The following SRSF8 variants were observed in gnomAD, a reference collection of about 807,000 sequenced individuals.
The protein encoded by SRSF8 is serine/arginine-rich splicing factor 8.
SRSF8 carries 3 observed loss-of-function variants against 2.0 expected under a neutral mutation model. That is an observed-to-expected ratio of 1.47 (90% confidence interval 0.67 to 3.79). The LOEUF (loss-of-function observed/expected upper bound fraction) is 3.79. SRSF8 is among the 30% of genes most tolerant of loss of function. The pLI, the probability that SRSF8 is intolerant of heterozygous loss-of-function variation, is 0.02. For synonymous variants in SRSF8, 162 were observed against 170.7 expected (o/e 0.95, Z 0.40); for missense variants, 408 against 410.9 (o/e 0.99, Z 0.06).
Position 95,067,313 on chromosome 11 carries a change from C to T in SRSF8, c.87C>T (p.Ser29=), listed in dbSNP as rs1555106951. The part of the protein sequence containing the change: ...DNLTYRTSPD[S]LRRVFEKYGR... ...TGACCTACCGCACCTCTCCCGACAG[C>T]TTGAGGCGCGTGTTCGAGAAGTACG... is the stretch of plus-strand genomic sequence containing the variant. Residue 29 remains serine, a synonymous_variant, in exon 1 of 1, where the codon AGC becomes AGT. Transcript: ENST00000587424. 2 of 1,599,578 alleles carry T rather than the reference C, an allele frequency of 1.3e-6. No individual in the cohort carries two copies. The highest frequency in any genetic ancestry group is 2.3e-5 in the East Asian group (1 of 43,476).
chr11:95,067,587 T>A lies in SRSF8; in HGVS notation c.361T>A (p.Tyr121Asn). Residue 121 changes from tyrosine to asparagine, a missense_variant, in exon 1 of 1, where the codon TAC (tyrosine) becomes AAC (asparagine). By Grantham distance (143) the Tyr-to-Asn change is moderately radical. This residue lies in a region of SRSF8 where 346 missense variants were observed against 316.5 expected (regional missense o/e 1.09). Coordinates refer to ENST00000587424, the MANE Select transcript of SRSF8 (RefSeq NM_032102.4). ...CGGCTACGGACGGCGGAGCCGCAGC[T>A]ACGGGCGGCGGAGCCGCAGCCCCAG... ...GGGYGRRSRS[Y>N]GRRSRSPRRR... The A allele has an allele frequency of 6.7e-7, 1 of 1,485,246 alleles. No individual in the cohort carries two copies. Among genetic ancestry groups the A allele is most frequent in the Non-Finnish European group, 9.1e-7 (1 of 1,097,118 alleles). 92.0% of individuals were successfully genotyped at this position (1,485,246 alleles called of 1,614,324 possible).
Position 95,067,822 on chromosome 11 carries a change from G to T in SRSF8, c.596G>T (p.Arg199Leu), listed in dbSNP as rs1555107198. Residue 199 changes from arginine (R) to leucine (L), a missense_variant, in exon 1 of 1, where the codon CGC becomes CTC. Physicochemically the swap from Arg to Leu is moderately radical, Grantham distance 102. Transcript: ENST00000587424. ...AGCTCATCTGGTTACAGTAACTCTC[G>T]CTACAGCCGATATCACAGCAGCCGG... ...HYSSSGYSNS[R>L]YSRYHSSRSH... The T allele has an allele frequency of 3.1e-6, 5 of 1,613,940 alleles. No homozygotes were observed. The highest frequency in any genetic ancestry group is 4.2e-6 in the Non-Finnish European group (5 of 1,179,882).
chr11:95,070,319 G>A lies in SRSF8; in HGVS notation c.*2244G>A, dbSNP rs1858717193. 1 of 124,044 alleles carries A rather than the reference G, an allele frequency of 8.1e-6. No individual in the cohort carries two copies. The highest frequency in any genetic ancestry group is 1.6e-5 in the Non-Finnish European group (1 of 63,666). The allele number at this position is 124,044 out of a possible 1,614,324, so 7.7% of individuals were successfully genotyped here. ...GGAGACAGAGGTTGTGGTGAGCCGAGATCACGCCATTGCACTCCAGCCGGG... is the reference window on the plus strand; with the variant it reads ...GGAGACAGAGGTTGTGGTGAGCCGAAATCACGCCATTGCACTCCAGCCGGG... On this transcript the variant is annotated 3_prime_UTR_variant, in exon 1 of 1. Transcript: ENST00000587424.
In SRSF8 at chr11:95,067,509, C is replaced by G. The variant is rs1555107064; in HGVS notation, c.283C>G (p.Arg95Gly). The change falls in exon 1 of 1, where the codon CGG becomes GGG. Residue 95 changes from arginine (R) to glycine (G), a missense_variant. By Grantham distance (125) the Arg-to-Gly change is moderately radical. Transcript: ENST00000587424. ...LRVQVARYGR[R>G]DLPRSRQGEP... is the part of the protein sequence containing the mutation. ...GGTGCAGGTGGCGCGCTATGGCCGC[C>G]GGGACCTGCCCCGCAGCCGCCAGGG... 1.9e-6 allele frequency: 2 copies of G among 1,067,254 alleles called. No homozygotes were observed. Among genetic ancestry groups the G allele is most frequent in the Non-Finnish European group, 2.5e-6 (2 of 790,564 alleles). The allele number at this position is 1,067,254 out of a possible 1,614,324, so 66.1% of individuals were successfully genotyped here.
Position 95,068,137 on chromosome 11 carries a change from G to C in SRSF8, c.*62G>C. 1 of 1,452,912 alleles carries C rather than the reference G, an allele frequency of 6.9e-7. No homozygotes were observed. The highest frequency in any genetic ancestry group is 9.3e-7 in the Non-Finnish European group (1 of 1,072,198). The allele number at this position is 1,452,912 out of a possible 1,614,324, so 90.0% of individuals were successfully genotyped here. A position where few individuals can be genotyped will look rare whatever the true frequency, so the allele number is the denominator to read the frequency against. On this transcript the variant is annotated 3_prime_UTR_variant, in exon 1 of 1. Transcript: ENST00000587424. ...TTGGGGGAAAAGGATCACATACTCAGTCTATGGAAGCAACGTCCCTGGAAG... is the reference window on the plus strand; with the variant it reads ...TTGGGGGAAAAGGATCACATACTCACTCTATGGAAGCAACGTCCCTGGAAG...
Position 95,067,921 on chromosome 11 carries a change from C to T in SRSF8, c.695C>T (p.Ser232Phe). 6.2e-7 allele frequency: 1 copy of T among 1,614,076 alleles called. No individual in the cohort carries two copies. Among genetic ancestry groups the T allele is most frequent in the South Asian group, 1.1e-5 (1 of 91,090 alleles). Residue 232 changes from serine to phenylalanine, a missense_variant, in exon 1 of 1, where the codon TCC becomes TTC. Physicochemically the swap from Ser to Phe is radical, Grantham distance 155. Around this residue, in one of 2 missense-constraint regions of SRSF8, gnomAD observed 346 missense variants for 316.5 expected, o/e 1.09. Transcript: ENST00000587424. Reference sequence around the variant, plus strand: ...TCCAAATCGAGCTCTGCGCGACGATCCAAGTCCTCCTCGGTCTCCAGGTCT... The same window carrying T: ...TCCAAATCGAGCTCTGCGCGACGATTCAAGTCCTCCTCGGTCTCCAGGTCT... ...STSKSSSARR[S>F]KSSSVSRSRS...
At position 95,067,552 on chromosome 11, in the gene SRSF8, C is replaced by G; in HGVS notation, c.326C>G (p.Ser109Cys). 3 of 1,540,432 alleles carry G rather than the reference C, an allele frequency of 1.9e-6. No individual in the cohort carries two copies. Among genetic ancestry groups the G allele is most frequent in the Non-Finnish European group, 2.6e-6 (3 of 1,143,528 alleles). The stretch of plus-strand genomic sequence containing the variant: ...CGCCAGGGAGAGCCACGCGGCAGGT[C>G]CAGAGGCGGCGGCTACGGACGGCGG... ...RSRQGEPRGR[S>C]RGGGYGRRSR... Residue 109 changes from serine (S) to cysteine (C), a missense_variant, in exon 1 of 1, where the codon TCC (serine) becomes TGC (cysteine). Ser to Cys is a moderately radical substitution (Grantham distance 112). This residue lies in a region of SRSF8 where 346 missense variants were observed against 316.5 expected (regional missense o/e 1.09). Coordinates refer to ENST00000587424, the MANE Select transcript of SRSF8 (RefSeq NM_032102.4).
rs143414617 is a variant in SRSF8 at position 95,069,354 on chromosome 11, A to G, written c.*1279A>G. On this transcript the variant is annotated 3_prime_UTR_variant, in exon 1 of 1. Coordinates refer to ENST00000587424, the MANE Select transcript of SRSF8 (RefSeq NM_032102.4). ...TTCAAATAATCCATTTTTGGCTTTC[A>G]TCATTATCCCTACTAGATGTTATGT... is the stretch of plus-strand genomic sequence containing the variant. 1 of 166,346 alleles carries G rather than the reference A, an allele frequency of 6.0e-6. No homozygotes were observed. The highest frequency in any genetic ancestry group is 1.5e-5 in the Non-Finnish European group (1 of 68,076). 10.3% of individuals were successfully genotyped at this position (166,346 alleles called of 1,614,324 possible). A position where few individuals can be genotyped will look rare whatever the true frequency, so the allele number is the denominator to read the frequency against.
At position 95,067,251 on chromosome 11, in the gene SRSF8, G is replaced by T; in HGVS notation, c.25G>T (p.Asp9Tyr). 6.5e-7 allele frequency: 1 copy of T among 1,549,350 alleles called. No homozygotes were observed. The highest frequency in any genetic ancestry group is 8.7e-7 in the Non-Finnish European group (1 of 1,145,230). Residue 9 changes from aspartate to tyrosine, a missense_variant, in exon 1 of 1, where the codon GAC (aspartate) becomes TAC (tyrosine). Transcript: ENST00000587424. ...CATGAGCTGCGGCCGCCCCCCTCCCGACGTGGACGGCATGATCACCCTCAA... is the reference window on the plus strand; with the variant it reads ...CATGAGCTGCGGCCGCCCCCCTCCCTACGTGGACGGCATGATCACCCTCAA... MSCGRPPPDVDGMITLKVD... is the reference protein window; with the variant it reads MSCGRPPPYVDGMITLKVD...
At position 95,067,608 on chromosome 11, in the gene SRSF8, C is replaced by T; in HGVS notation, c.382C>T (p.Pro128Ser). Residue 128 changes from proline to serine, a missense_variant, in exon 1 of 1, where the codon CCC becomes TCC. By Grantham distance (74) the Pro-to-Ser change is moderately conservative. Transcript: ENST00000587424. ...SRSYGRRSRSPRRRHRSRSRG... is the reference protein window; with the variant it reads ...SRSYGRRSRSSRRRHRSRSRG... ...CAGCTACGGGCGGCGGAGCCGCAGC[C>T]CCAGGCGGCGACACCGCAGCCGATC... The T allele has an allele frequency of 7.0e-6, 11 of 1,560,878 alleles. No homozygotes were observed. The highest frequency in any genetic ancestry group is 9.5e-6 in the Non-Finnish European group (11 of 1,153,734).
rs965650824 is a variant in SRSF8 at position 95,069,790 on chromosome 11, G to C, written c.*1715G>C. The C allele has an allele frequency of 6.0e-6, 1 of 167,026 alleles. No homozygotes were observed. The highest frequency in any genetic ancestry group is 2.4e-5 in the African/African-American group (1 of 41,432). 10.3% of individuals were successfully genotyped at this position (167,026 alleles called of 1,614,324 possible). A position where few individuals can be genotyped will look rare whatever the true frequency, so the allele number is the denominator to read the frequency against. ...TACGTAGAATCCAAAGACACACACA[G>C]AGCAGTCCTGTCTGAGAAATAAAAA... On this transcript the variant is annotated 3_prime_UTR_variant, in exon 1 of 1. Transcript: ENST00000587424.
Position 95,067,436 on chromosome 11 carries a change from C to G in SRSF8, c.210C>G (p.Asp70Glu). 1 of 1,547,318 alleles carries G rather than the reference C, an allele frequency of 6.5e-7. No homozygotes were observed. Among genetic ancestry groups the G allele is most frequent in the Non-Finnish European group, 8.7e-7 (1 of 1,148,242 alleles). The change falls in exon 1 of 1, where the codon GAC becomes GAG. Residue 70 changes from aspartate (D) to glutamate (E), a missense_variant. Asp to Glu is a conservative substitution (Grantham distance 45). Around this residue, in one of 2 missense-constraint regions of SRSF8, gnomAD observed 346 missense variants for 316.5 expected, o/e 1.09. Transcript: ENST00000587424. ...TTCACGACCGGCGCGACGCCCAAGA[C>G]GCCGAGGCCGCCATGGACGGGGCGG... ...VRFHDRRDAQ[D>E]AEAAMDGAEL...
rs1555107217 is a variant in SRSF8, at chr11:95,067,876, G to C, written c.650G>C (p.Ser217Thr). The change falls in exon 1 of 1, where the codon AGC becomes ACC. Residue 217 changes from serine to threonine, a missense_variant. This residue lies in a region of SRSF8 where 346 missense variants were observed against 316.5 expected (regional missense o/e 1.09). Coordinates refer to ENST00000587424, the MANE Select transcript of SRSF8 (RefSeq NM_032102.4). ...CACTCGAAGTCTGGGTCCTCCACTA[G>C]CTCTCGCTCTGCATCAACCTCCAAA... ...RSHSKSGSST[S>T]SRSASTSKSS... The C allele has an allele frequency of 6.2e-6, 10 of 1,613,902 alleles. No individual in the cohort carries two copies. In the Admixed American group the frequency reaches 8.3e-5, roughly 13 times the overall value.
rs199613898 is a variant in SRSF8 at position 95,070,396 on chromosome 11, A to AAAAC, written c.*2332_*2335dup. On this transcript the variant is annotated 3_prime_UTR_variant, in exon 1 of 1. Transcript: ENST00000587424. ...AAAAAAAAAAAAAAGAAAAAGGAAA[A>AAAAC]AAACAAACAAACAACAACTTTGAAA... 6.1e-6 allele frequency: 1 copy of AAAAC among 165,082 alleles called. No homozygotes were observed. Among genetic ancestry groups the AAAAC allele is most frequent in the South Asian group, 2.1e-4 (1 of 4,716 alleles). The allele number at this position is 165,082 out of a possible 1,614,324, so 10.2% of individuals were successfully genotyped here.
chr11:95,068,439 G>C lies in SRSF8; in HGVS notation c.*364G>C, dbSNP rs1452127861. 1 of 241,044 alleles carries C rather than the reference G, an allele frequency of 4.1e-6. No individual in the cohort carries two copies. Among genetic ancestry groups the C allele is most frequent in the Non-Finnish European group, 8.8e-6 (1 of 113,028 alleles). 14.9% of individuals were successfully genotyped at this position (241,044 alleles called of 1,614,324 possible). On this transcript the variant is annotated 3_prime_UTR_variant, in exon 1 of 1. Coordinates refer to ENST00000587424, the MANE Select transcript of SRSF8 (RefSeq NM_032102.4). ...CCTGACTTTTAAGGAAACGTGTGCA[G>C]CCATTACACACAGCCTAACGCTGTC...
At position 95,067,569 on chromosome 11, in the gene SRSF8, G is replaced by C. The variant is rs1191123669; in HGVS notation, c.343G>C (p.Gly115Arg). The change falls in exon 1 of 1, where the codon GGA becomes CGA. Residue 115 changes from glycine to arginine, a missense_variant. Gly to Arg is a moderately radical substitution (Grantham distance 125). Coordinates refer to ENST00000587424, the MANE Select transcript of SRSF8 (RefSeq NM_032102.4). ...CGGCAGGTCCAGAGGCGGCGGCTAC[G>C]GACGGCGGAGCCGCAGCTACGGGCG... ...PRGRSRGGGYGRRSRSYGRRS... is the reference protein window; with the variant it reads ...PRGRSRGGGYRRRSRSYGRRS... 5.8e-6 allele frequency: 9 copies of C among 1,542,054 alleles called. No homozygotes were observed. Among genetic ancestry groups the C allele is most frequent in the Non-Finnish European group, 6.1e-6 (7 of 1,144,802 alleles).
In SRSF8 at chr11:95,067,521, C is replaced by T. The variant is rs1590996481; in HGVS notation, c.295C>T (p.Arg99Cys). Reference protein sequence around the residue: ...VARYGRRDLPRSRQGEPRGRS... With the variant: ...VARYGRRDLPCSRQGEPRGRS... ...GCGCTATGGCCGCCGGGACCTGCCC[C>T]GCAGCCGCCAGGGAGAGCCACGCGG... The change falls in exon 1 of 1, where the codon CGC becomes TGC. Residue 99 changes from arginine (R) to cysteine (C), a missense_variant. Physicochemically the swap from Arg to Cys is radical, Grantham distance 180. Transcript: ENST00000587424. 3.3e-6 allele frequency: 5 copies of T among 1,511,922 alleles called. No individual in the cohort carries two copies. The South Asian group carries it at 5.1e-5, about 15-fold the overall frequency. The allele number at this position is 1,511,922 out of a possible 1,614,324, so 93.7% of individuals were successfully genotyped here.
rs781939780 is a variant in SRSF8, at chr11:95,067,913, G to C, written c.687G>C (p.Ala229=). The C allele has an allele frequency of 1.4e-5, 23 of 1,613,840 alleles. No individual in the cohort carries two copies. Among genetic ancestry groups the C allele is most frequent in the Non-Finnish European group, 1.9e-5 (23 of 1,179,908 alleles). Residue 229 remains alanine, a synonymous_variant, in exon 1 of 1, where the codon GCG becomes GCC. Coordinates refer to ENST00000587424, the MANE Select transcript of SRSF8 (RefSeq NM_032102.4). ...RSASTSKSSS[A]RRSKSSSVSR... ...CATCAACCTCCAAATCGAGCTCTGCGCGACGATCCAAGTCCTCCTCGGTCT... is the reference window on the plus strand; with the variant it reads ...CATCAACCTCCAAATCGAGCTCTGCCCGACGATCCAAGTCCTCCTCGGTCT...
chr11:95,067,485 G>T lies in SRSF8; in HGVS notation c.259G>T (p.Val87Leu). 1 of 1,515,440 alleles carries T rather than the reference G, an allele frequency of 6.6e-7. No individual in the cohort carries two copies. Among genetic ancestry groups the T allele is most frequent in the Non-Finnish European group, 8.8e-7 (1 of 1,134,104 alleles). The allele number at this position is 1,515,440 out of a possible 1,614,324, so 93.9% of individuals were successfully genotyped here. The change falls in exon 1 of 1, where the codon GTG becomes TTG. Residue 87 changes from valine to leucine, a missense_variant. Val to Leu is a conservative substitution (Grantham distance 32). Transcript: ENST00000587424. ...GAELDGRELR[V>L]QVARYGRRDL... Reference sequence around the variant, plus strand: ...GGAGCTGGACGGACGCGAGCTGCGGGTGCAGGTGGCGCGCTATGGCCGCCG... The same window carrying T: ...GGAGCTGGACGGACGCGAGCTGCGGTTGCAGGTGGCGCGCTATGGCCGCCG...
Sources: allele counts gnomAD v4.1 joint callset, GRCh38; gene constraint gnomAD v4.1.1; regional missense constraint gnomAD v4.1.1; transcripts MANE v1.5; gene names NCBI Gene and HGNC (gene_info 2026-07-23, HGNC 2026-07-21).